Variants in CHL1 observed in about 807,000 individuals in gnomAD.
CHL1 encodes neural cell adhesion molecule L1-like protein.
CHL1 carries 96 observed loss-of-function variants against 141.9 expected under a neutral mutation model. That is an observed-to-expected ratio of 0.68 (90% CI 0.57 to 0.80). The LOEUF (loss-of-function observed/expected upper bound fraction) is 0.80. CHL1 is among the 30% of genes least tolerant of loss of function. The pLI, the probability that CHL1 is intolerant of heterozygous loss-of-function variation, is 0.00. For missense variants in CHL1, 1,820 were observed against 1,457.2 expected (o/e 1.25, Z -4.05); for synonymous variants, 613 against 502.2 (o/e 1.22, Z -2.95).
rs1709719347 is a variant in CHL1, at chr3:409,290, T to C, written c.*3579T>C. On this transcript the variant is annotated 3_prime_UTR_variant, in exon 28 of 28. Coordinates refer to ENST00000256509, the MANE Select transcript of CHL1 (RefSeq NM_006614.4). ...TGGATTAATATTCATAGTAGAACTT[T>C]ATAAAACGTGTTTGTATTGTAGGTG... The C allele has an allele frequency of 6.6e-6, 1 of 152,140 alleles. No individual in the cohort carries two copies. Among genetic ancestry groups the C allele is most frequent in the Admixed American group, 6.6e-5 (1 of 15,256 alleles). 9.4% of individuals were successfully genotyped at this position (152,140 alleles called of 1,614,324 possible).
At chr3:258,320 T>A (rs944387456) in intron 2 of CHL1, among the ~76,000 whole-genome samples, 1 of 152,222 alleles carries the variant, frequency 6.6e-6, no homozygotes, top group African/African-American at 2.4e-5. Flanking sequence ...ACCTCAGATG[T>A]CCTTCACTTC....
intron 1 of CHL1, chr3:213,799 A>C (rs1454837781): frequency 6.6e-6 from 1 of 152,232 alleles, no homozygotes; most frequent in Non-Finnish European, 1.5e-5. Context: ...TCTCTGAAGC[A>C]AAATAAGTGT....
chr3:394,595 CTT>C (rs1575282621), intron 23 of CHL1, 96 bp from the exon 24 acceptor site: 1 of 840,610 alleles, frequency 1.2e-6, no homozygotes, highest in East Asian at 2.5e-5. Context: ...ATTAATGTAT[CTT>C]TACGTACCAC....
chr3:374,288 T>G (rs567489959), intron 15 of CHL1, among the ~76,000 whole-genome samples: 1 of 152,160 alleles, frequency 6.6e-6, no homozygotes, highest in Non-Finnish European at 1.5e-5. Context: ...AACACGAGAT[T>G]AATTATATAC....
At position 318,574 on chromosome 3, in the gene CHL1, A is replaced by G. The variant is rs114882518; in HGVS notation, c.-94-1109A>G. ...TTGTAAGAGAAAGTAAAAAAAATTAAAACCTTAATTCTTATTCTATTTCTG... is the reference window on the plus strand; with the variant it reads ...TTGTAAGAGAAAGTAAAAAAAATTAGAACCTTAATTCTTATTCTATTTCTG... On this transcript the variant is annotated intron_variant, in intron 2 of 27. Transcript: ENST00000256509. 3.8e-3 allele frequency among the ~76,000 whole-genome samples: 581 copies of G among 151,776 alleles called. 1 individual carries two copies. Among genetic ancestry groups the G allele is most frequent in the African/African-American group, 0.013 (560 of 41,498 alleles).
At chr3:385,646 G>T (rs1400717896) in intron 19 of CHL1, 1 of 152,022 alleles carries the variant, frequency 6.6e-6, no homozygotes, top group African/African-American at 2.4e-5. Context: ...TGGACAATAT[G>T]GTGAAACTGC....
At chr3:400,551 A>G (rs1465157352) in intron 26 of CHL1, among the ~76,000 whole-genome samples, 1 of 151,258 alleles carries the variant, frequency 6.6e-6, no homozygotes, top group Non-Finnish European at 1.5e-5. Context: ...ATGTAGTCGT[A>G]AAATGTTCCA....
chr3:378,331 C>T (rs753158093), intron 16 of CHL1, among the ~76,000 whole-genome samples: 3 of 152,042 alleles, frequency 2.0e-5, no homozygotes, highest in Non-Finnish European at 2.9e-5. Context: ...GGTGGATGCA[C>T]GGTGGTCATC....
chr3:346,539 C>T (rs1280079243), intron 9 of CHL1, among the ~76,000 whole-genome samples: 1 of 152,156 alleles, frequency 6.6e-6, no homozygotes, highest in East Asian at 1.9e-4. Context: ...CGCAGAATGT[C>T]TTCAAAATAA....
chr3:308,288 T>C (rs1295857713), intron 2 of CHL1, among the ~76,000 whole-genome samples: 4 of 152,234 alleles, frequency 2.6e-5, no homozygotes, highest in Non-Finnish European at 1.5e-5. Context: ...GTATTTCCTA[T>C]ATTCTAGGCA....
At chr3:378,762 C>A in intron 16 of CHL1, among the ~76,000 whole-genome samples, 1 of 152,208 alleles carries the variant, frequency 6.6e-6, no homozygotes, top group Non-Finnish European at 1.5e-5. Flanking sequence ...CTTCTGCAGA[C>A]AGGGTCTCCT....
Position 382,605 on chromosome 3 carries a change from G to A in CHL1, c.2110G>A (p.Ala704Thr), listed in dbSNP as rs537964481. 5 of 1,613,908 alleles carry A rather than the reference G, an allele frequency of 3.1e-6. No homozygotes were observed. The African/African-American group carries it at 4.0e-5, about 13-fold the overall frequency. Residue 704 changes from alanine (A) to threonine (T), a missense_variant, in exon 18 of 28, where the codon GCC becomes ACC. By Grantham distance (58) the Ala-to-Thr change is moderately conservative. Transcript: ENST00000256509. ...PFVRYQFRVI[A>T]VNEVGRSQPS... ...TGTGAGATACCAGTTCAGGGTCATA[G>A]CCGTGAACGAAGTAGGGAGAAGTCA...
At chr3:359,829 G>A (rs1031837199) in intron 11 of CHL1, among the ~76,000 whole-genome samples, 1 of 152,156 alleles carries the variant, frequency 6.6e-6, no homozygotes. Context: ...GAGAGGCAGA[G>A]AACTGAAACG....
Position 394,810 on chromosome 3 carries a change from C to G in CHL1, c.3032C>G (p.Ala1011Gly), listed in dbSNP as rs1312547472. The change falls in exon 24 of 28, where the codon GCT becomes GGT. Residue 1011 changes from alanine (A) to glycine (G), a missense_variant. By Grantham distance (60) the Ala-to-Gly change is moderately conservative. Transcript: ENST00000256509. ...ACCAAGTACAAATTCTACTTGAGGG[C>G]TTGCACTTCACAGGGCTGTGGAAAA... ...ATTKYKFYLR[A>G]CTSQGCGKPI... is the part of the protein sequence containing the mutation. 1 of 1,614,046 alleles carries G rather than the reference C, an allele frequency of 6.2e-7. No homozygotes were observed. The highest frequency in any genetic ancestry group is 2.2e-5 in the East Asian group (1 of 44,870).
intron 2 of CHL1, among the ~76,000 whole-genome samples, chr3:315,161 T>C (rs1336103827): frequency 1.3e-5 from 2 of 152,120 alleles, no homozygotes; most frequent in Admixed American, 6.6e-5. Flanking sequence ...TATTAGCAAA[T>C]TTTATTTATT....
At position 396,226 on chromosome 3, in the gene CHL1, G is replaced by A. The variant is rs183568687; in HGVS notation, c.3094+1354G>A. ...AAAGTTAGACTTAAAGATGGGGATT[G>A]GAAACTTCCCAGTAACTAAAAGGTT... On this transcript the variant is annotated intron_variant, in intron 24 of 27. Coordinates refer to ENST00000256509, the MANE Select transcript of CHL1 (RefSeq NM_006614.4). 1.7e-3 allele frequency among the ~76,000 whole-genome samples: 254 copies of A among 152,244 alleles called. 2 individuals carry two copies. The highest frequency in any genetic ancestry group is 4.3e-3 in the Admixed American group (65 of 15,288).
rs559118752 is a variant in CHL1 at position 360,926 on chromosome 3, A to AT, written c.1306+508dup. 3.0e-3 allele frequency among the ~76,000 whole-genome samples: 458 copies of AT among 151,052 alleles called. 2 individuals are homozygous for AT. The highest frequency in any genetic ancestry group is 0.011 in the African/African-American group (433 of 41,070). ...TCCCTACAAAGGACATGAACTCATCATTTTTTATGGCTGCATAGTATTCCA... is the reference window on the plus strand; with the variant it reads ...TCCCTACAAAGGACATGAACTCATCATTTTTTTATGGCTGCATAGTATTCCA... On this transcript the variant is annotated intron_variant, in intron 12 of 27. Coordinates refer to ENST00000256509, the MANE Select transcript of CHL1 (RefSeq NM_006614.4).
intron 23 of CHL1, among the ~76,000 whole-genome samples, chr3:392,946 G>A (rs1708357000): frequency 1.1e-5 from 1 of 94,746 alleles, no homozygotes; most frequent in African/African-American, 2.9e-5. Context: ...TTATGAATGA[G>A]GGAATTGATG....
chr3:296,001 C>CAA (rs11427399), intron 2 of CHL1, among the ~76,000 whole-genome samples: 1 of 148,528 alleles, frequency 6.7e-6, no homozygotes, highest in African/African-American at 2.5e-5. Context: ...AACTCCCTCT[C>CAA]AAAAAAAAAA....
Sources: allele counts gnomAD v4.1 joint callset (sites outside exome capture counted in the v4.1 genomes callset), GRCh38; gene constraint gnomAD v4.1.1; transcripts MANE v1.5; gene names NCBI Gene and HGNC (gene_info 2026-07-23, HGNC 2026-07-21).